MPP4: variants seen among roughly 807,000 people sequenced by gnomAD.
MPP4 encodes the protein MAGUK p55 subfamily member 4.
Under a neutral mutation model 98.3 loss-of-function variants are expected in MPP4, and 91 were observed. That is an observed-to-expected ratio of 0.93 (90% CI 0.78 to 1.10). The LOEUF (loss-of-function observed/expected upper bound fraction) is 1.10. MPP4 is among the 50% of genes least tolerant of loss of function. The pLI, the probability that MPP4 is intolerant of heterozygous loss-of-function variation, is 0.00. For synonymous variants in MPP4, 261 were observed against 271.8 expected, an observed-to-expected ratio of 0.96 and a Z score of 0.39; for missense variants, 744 against 792.9, an observed-to-expected ratio of 0.94 and a Z score of 0.74.
intron 16 of MPP4, 45 bp downstream of exon 16, chr2:201,658,432 T>C: frequency 6.4e-7 from 1 of 1,552,214 alleles, no homozygotes. Flanking sequence ...GGAAACATAA[T>C]TTAACAAGTG....
intron 15 of MPP4, among the ~76,000 whole-genome samples, 196 bp from the exon 16 acceptor site, chr2:201,658,714 C>T (rs189368626): frequency 4.6e-5 from 7 of 152,228 alleles, no homozygotes; most frequent in Admixed American, 6.5e-5. Flanking sequence ...ACTATAGGGA[C>T]GCACTTCACA....
intron 1 of MPP4, among the ~76,000 whole-genome samples, chr2:201,694,458 C>T (rs960775366): frequency 1.3e-5 from 2 of 151,808 alleles, no homozygotes; most frequent in Non-Finnish European, 2.9e-5. Context: ...CTGGTCTGGT[C>T]ACAGTTGCAA....
intron 13 of MPP4, chr2:201,665,691 T>C (rs1421151928): frequency 6.6e-6 from 1 of 152,226 alleles, no homozygotes; most frequent in Non-Finnish European, 1.5e-5. Context: ...TGTTTTAAAA[T>C]TTTACATTGT....
intron 18 of MPP4, chr2:201,651,706 C>A (rs1367891360): frequency 1.0e-6 from 1 of 955,988 alleles, no homozygotes; most frequent in African/African-American, 1.8e-5. Context: ...GTAATCCCAG[C>A]ACTTTGGGAG....
intron 10 of MPP4, among the ~76,000 whole-genome samples, chr2:201,676,167 G>T (rs1688503156): frequency 6.6e-6 from 1 of 152,230 alleles, no homozygotes; most frequent in African/African-American, 2.4e-5. Flanking sequence ...ATTCCCTGGA[G>T]ATAAGGCCAG....
At chr2:201,654,290 T>A (rs1450446117) in intron 18 of MPP4, among the ~76,000 whole-genome samples, 1 of 152,188 alleles carries the variant, frequency 6.6e-6, no homozygotes, top group Non-Finnish European at 1.5e-5. Context: ...AACACCATTT[T>A]TTAAAAAGCT....
intron 12 of MPP4, 48 bp downstream of exon 12, chr2:201,669,685 C>A: frequency 7.6e-7 from 1 of 1,323,754 alleles, no homozygotes; most frequent in East Asian, 2.7e-5. Context: ...CAAGAAATTT[C>A]TAAAAGACTT....
chr2:201,693,407 T>A (rs191684912), intron 2 of MPP4, among the ~76,000 whole-genome samples: 1 of 152,204 alleles, frequency 6.6e-6, no homozygotes, highest in South Asian at 2.1e-4. Context: ...GTGTTCTGTA[T>A]CCTCTTTCTC....
At chr2:201,659,132 G>A (rs1422510069) in intron 15 of MPP4, among the ~76,000 whole-genome samples, 2 of 152,038 alleles carry the variant, frequency 1.3e-5, no homozygotes, top group Admixed American at 6.6e-5. Flanking sequence ...CTGACCTCAG[G>A]TGATCCACCC....
At position 201,654,925 on chromosome 2, in the gene MPP4, CA is replaced by C; in HGVS notation, c.1301-9del. ...CTCCAACACCAGAGGGTCCTAAACA[CA>C]AAAAGTCACACACAGAAATCATCAG... On this transcript the variant is annotated splice_polypyrimidine_tract_variant and intron_variant, in intron 17 of 21. Transcript: ENST00000409474. The C allele has an allele frequency of 1.9e-6, 3 of 1,563,004 alleles. No individual in the cohort carries two copies. Among genetic ancestry groups the C allele is most frequent in the South Asian group, 1.2e-5 (1 of 84,694 alleles).
chr2:201,698,053 G>C, intron 1 of MPP4: 2 of 986,156 alleles, frequency 2.0e-6, no homozygotes, highest in South Asian at 9.4e-5. Context: ...ATGCAATTCC[G>C]GACTGAGTAC....
intron 2 of MPP4, 131 bp downstream of exon 2, chr2:201,693,745 T>A (rs1689103285): frequency 2.7e-6 from 3 of 1,106,602 alleles, no homozygotes; most frequent in Non-Finnish European, 4.1e-6. Context: ...AGGGCAGTAG[T>A]GCAACCAAAA....
In MPP4 at chr2:201,692,932, C is replaced by A; in HGVS notation, c.177G>T (p.Ser59=). 2.5e-6 allele frequency: 4 copies of A among 1,610,134 alleles called. No individual in the cohort carries two copies. The highest frequency in any genetic ancestry group is 3.4e-6 in the Non-Finnish European group (4 of 1,178,344). Residue 59 remains serine (S), a synonymous_variant, in exon 3 of 22, where the codon TCG becomes TCT. Transcript: ENST00000409474. ...CCTTTAGCAGAGCCTGAAGCCACGG[C>A]GAGTGGAGGAGATCGTACAAGAGAC... ...GVCLLYDLLH[S]PWLQALLKIY... is the part of the protein sequence containing the mutation.
rs547798054 is a variant in MPP4, at chr2:201,686,181, C to T, written c.361-131G>A. ...CAATACAGACATGCCAGACACAGTG[C>T]GAAGCATTTTATATGAATTAATCCG... On this transcript the variant is annotated intron_variant, in intron 5 of 21. Transcript: ENST00000409474. 1.7e-4 allele frequency: 179 copies of T among 1,051,402 alleles called. 1 individual carries two copies. In the Middle Eastern group the frequency reaches 2.6e-3, roughly 15 times the overall value. The allele number at this position is 1,051,402 out of a possible 1,614,324, so 65.1% of individuals were successfully genotyped here.
chr2:201,678,694 G>T (rs1688584587), intron 10 of MPP4, among the ~76,000 whole-genome samples: 2 of 152,138 alleles, frequency 1.3e-5, no homozygotes, highest in South Asian at 4.1e-4. Context: ...GCACATCCTT[G>T]TGTATAGCTT....
intron 14 of MPP4, chr2:201,661,539 T>C (rs897875205): frequency 2.2e-6 from 1 of 456,370 alleles, no homozygotes; most frequent in Admixed American, 2.4e-5. Context: ...AGGGGCGTTT[T>C]ACAGTAGGCA....
chr2:201,686,840 A>G (rs1226364724), intron 5 of MPP4, among the ~76,000 whole-genome samples: 1 of 152,240 alleles, frequency 6.6e-6, no homozygotes, highest in African/African-American at 2.4e-5. Flanking sequence ...ACTAAGAGAT[A>G]GGTTTCTGTT....
At chr2:201,651,072 T>G (rs1005591294) in intron 18 of MPP4, 2 of 985,424 alleles carry the variant, frequency 2.0e-6, no homozygotes, top group Non-Finnish European at 2.4e-6. Context: ...TCCTATATAC[T>G]GTAAAGCTAG....
Position 201,654,905 on chromosome 2 carries a change from A to T in MPP4, c.1313T>A (p.Val438Asp), listed in dbSNP as rs772923578. Residue 438 changes from valine (V) to aspartate (D), a missense_variant, in exon 18 of 22, where the codon GTT becomes GAT. Transcript: ENST00000409474. ...TTGTCTTCTGAGCTCATTTACTCCA[A>T]CACCAGAGGGTCCTAAACACAAAAA... ...RLIVLMGPSG[V>D]GVNELRRQLI... 3 of 1,603,288 alleles carry T rather than the reference A, an allele frequency of 1.9e-6. No individual in the cohort carries two copies. The highest frequency in any genetic ancestry group is 2.6e-6 in the Non-Finnish European group (3 of 1,174,706).
Sources: allele counts gnomAD v4.1 joint callset (sites outside exome capture counted in the v4.1 genomes callset), GRCh38; gene constraint gnomAD v4.1.1; transcripts MANE v1.5; gene names NCBI Gene and HGNC (gene_info 2026-07-23, HGNC 2026-07-21).